TAS2R1: variants seen among roughly 807,000 people sequenced by gnomAD.
TAS2R1 encodes the protein taste receptor type 2 member 1.
For synonymous variants in TAS2R1, 141 were observed against 134.2 expected, an observed-to-expected ratio of 1.05 and a Z score of -0.35; for missense variants, 370 against 353.4, an observed-to-expected ratio of 1.05 and a Z score of -0.38.
At chr5:9,766,573 T>C in the TAS2R1 span, among the ~76,000 whole-genome samples, 1 of 152,342 alleles carries the variant, frequency 6.6e-6, no homozygotes, top group South Asian at 2.1e-4. Flanking sequence ...TAACCCCTTA[T>C]AAGGCAATGA....
chr5:9,892,712 G>A, the TAS2R1 span, among the ~76,000 whole-genome samples: 4 of 152,246 alleles, frequency 2.6e-5, no homozygotes, highest in Admixed American at 6.5e-5. Flanking sequence ...GCGGAAAAGC[G>A]CCTCTTATGC....
the TAS2R1 span, among the ~76,000 whole-genome samples, chr5:9,785,224 T>C: frequency 1.3e-5 from 2 of 152,332 alleles, no homozygotes; most frequent in African/African-American, 4.8e-5. Context: ...TTTACTCAAA[T>C]GAGCCTACAC....
chr5:9,857,627 A>T, the TAS2R1 span, among the ~76,000 whole-genome samples: 1 of 152,222 alleles, frequency 6.6e-6, no homozygotes, highest in African/African-American at 2.4e-5. Flanking sequence ...TGAATTCTTT[A>T]TCAGGAAGTT....
chr5:9,772,380 T>C, the TAS2R1 span, among the ~76,000 whole-genome samples: 1 of 152,148 alleles, frequency 6.6e-6, no homozygotes, highest in African/African-American at 2.4e-5. Flanking sequence ...CTTGATATCA[T>C]TTCAATTTTT....
At chr5:9,806,318 A>T in the TAS2R1 span, among the ~76,000 whole-genome samples, 1 of 152,192 alleles carries the variant, frequency 6.6e-6, no homozygotes, top group Non-Finnish European at 1.5e-5. Flanking sequence ...AAATGACCAT[A>T]CAGCCAAAAG....
chr5:9,763,732 C>A, the TAS2R1 span, among the ~76,000 whole-genome samples: 1 of 152,014 alleles, frequency 6.6e-6, no homozygotes, highest in African/African-American at 2.4e-5. Flanking sequence ...AGCCAAGTGC[C>A]GCAACCCAGC....
the TAS2R1 span, among the ~76,000 whole-genome samples, chr5:9,782,659 C>T: frequency 6.6e-6 from 1 of 152,324 alleles, no homozygotes; most frequent in South Asian, 2.1e-4. Context: ...GCGCATTAAC[C>T]ACAAACTAAG....
At chr5:9,821,676 C>T in the TAS2R1 span, among the ~76,000 whole-genome samples, 27 of 152,068 alleles carry the variant, frequency 1.8e-4, no homozygotes, top group African/African-American at 6.5e-4. Context: ...ATAGTGATTG[C>T]CTTTGAGACA....
At chr5:9,729,248 AC>A in the TAS2R1 span, among the ~76,000 whole-genome samples, 15 of 151,856 alleles carry the variant, frequency 9.9e-5, no homozygotes, top group Admixed American at 6.6e-4. Context: ...CTCATCTCTC[AC>A]CCCCTAGGGG....
the TAS2R1 span, among the ~76,000 whole-genome samples, chr5:9,799,224 C>T: frequency 1.3e-5 from 2 of 152,232 alleles, no homozygotes; most frequent in Admixed American, 1.3e-4. Flanking sequence ...CACCCTAGTT[C>T]AAAATATTTT....
the TAS2R1 span, among the ~76,000 whole-genome samples, chr5:9,719,650 C>T: frequency 3.9e-3 from 599 of 151,932 alleles, 6 homozygotes; most frequent in Non-Finnish European, 4.2e-3. Context: ...CACTTCTGGC[C>T]GGGCGCGGTG....
chr5:9,736,846 C>A, the TAS2R1 span, among the ~76,000 whole-genome samples: 2 of 152,182 alleles, frequency 1.3e-5, no homozygotes, highest in African/African-American at 4.8e-5. Context: ...GGGCCTATGT[C>A]TGTCACCCTG....
In TAS2R1 at chr5:9,652,041, T is replaced by C. The variant is rs56330828; in HGVS notation, c.-81+7380A>G. ...ATTTAGAGGTCTGTTGCTGAGGTAA[T>C]ATATTTTCAGATCAAAATGTGGGTT... is the stretch of plus-strand genomic sequence containing the variant. On this transcript the variant is annotated intron_variant, in intron 2 of 2. Coordinates refer to the TAS2R1 transcript ENST00000506620. 7.7e-3 allele frequency among the ~76,000 whole-genome samples: 1,174 copies of C among 152,308 alleles called. 15 individuals carry two copies. The highest frequency in any genetic ancestry group is 0.027 in the African/African-American group (1,121 of 41,564).
At chr5:9,650,287 A>AT (rs35395775) in intron 2 of TAS2R1, among the ~76,000 whole-genome samples, 28,400 of 150,802 alleles carry the variant, frequency 0.19, 3,117 homozygotes, top group Non-Finnish European at 0.25. Flanking sequence ...AAATTAAAGA[A>AT]TTTTTTTTTT....
the TAS2R1 span, among the ~76,000 whole-genome samples, chr5:9,774,470 G>A: frequency 6.6e-6 from 1 of 152,180 alleles, no homozygotes; most frequent in Admixed American, 6.5e-5. Flanking sequence ...TTCCTGGAAG[G>A]TCTTGATGTT....
intron 1 of TAS2R1, among the ~76,000 whole-genome samples, chr5:9,692,183 T>C (rs560208303): frequency 7.9e-5 from 12 of 152,324 alleles, no homozygotes; most frequent in Non-Finnish European, 1.6e-4. Flanking sequence ...GCACTCTACG[T>C]GCTTGTCAGA....
the TAS2R1 span, among the ~76,000 whole-genome samples, chr5:9,736,338 C>G: frequency 2.0e-5 from 3 of 152,214 alleles, 1 homozygote; most frequent in African/African-American, 4.8e-5. Flanking sequence ...GCCTTATTCC[C>G]TCTGCACTTA....
In TAS2R1 at chr5:9,682,459, G is replaced by T. The variant is rs1741011177; in HGVS notation, c.-241-22878C>A. 2.0e-5 allele frequency among the ~76,000 whole-genome samples: 3 copies of T among 152,110 alleles called. No homozygotes were observed. The South Asian group carries it at 6.2e-4, about 32-fold the overall frequency. The stretch of plus-strand genomic sequence containing the variant: ...ATCCAAAGAAAGTAGAAAGAGAAGT[G>T]CCTTTCACCCTGCTCAGCTTCATCT... On this transcript the variant is annotated intron_variant, in intron 1 of 2. Transcript: ENST00000506620.
chr5:9,706,195 C>T (rs111752320), intron 1 of TAS2R1, among the ~76,000 whole-genome samples: 45 of 152,170 alleles, frequency 3.0e-4, no homozygotes, highest in African/African-American at 1.0e-3. Flanking sequence ...CAAACTAGCA[C>T]CATTTCTTAT....
Sources: allele counts gnomAD v4.1 joint callset (sites outside exome capture counted in the v4.1 genomes callset), GRCh38; gene constraint gnomAD v4.1.1; transcripts MANE v1.5; gene names NCBI Gene and HGNC (gene_info 2026-07-23, HGNC 2026-07-21).